PLCH1: variants seen among roughly 807,000 people sequenced by gnomAD.
PLCH1 encodes the protein 1-phosphatidylinositol 4,5-bisphosphate phosphodiesterase eta-1.
In PLCH1, 60 loss-of-function variants were observed where a neutral mutation model predicts 126.7. The ratio of observed to expected loss-of-function variants is 0.47; its 90% confidence interval spans 0.38 to 0.59. PLCH1 has a LOEUF of 0.59. PLCH1 is among the 20% of genes least tolerant of loss of function. PLCH1 has a pLI of 0.00. For missense variants in PLCH1, 1,723 were observed against 2,040.0 expected (o/e 0.84, Z 2.99); for synonymous variants, 719 against 734.9 (o/e 0.98, Z 0.35).
intron 1 of PLCH1, among the ~76,000 whole-genome samples, chr3:155,741,029 A>G (rs1168843218): frequency 2.0e-5 from 3 of 152,208 alleles, no homozygotes; most frequent in Admixed American, 1.3e-4. Flanking sequence ...TTCTGCATCT[A>G]TCCTGCCCTC....
At chr3:155,733,132 A>G (rs952509896) in intron 1 of PLCH1, among the ~76,000 whole-genome samples, 1 of 152,200 alleles carries the variant, frequency 6.6e-6, no homozygotes, top group Non-Finnish European at 1.5e-5. Flanking sequence ...AAATGTCCAT[A>G]TTACTCAAAG....
intron 1 of PLCH1, among the ~76,000 whole-genome samples, chr3:155,713,303 A>G (rs1747281414): frequency 6.6e-6 from 1 of 152,204 alleles, no homozygotes; most frequent in Non-Finnish European, 1.5e-5. Context: ...TTACTTATTC[A>G]AAAAATGCAT....
At chr3:155,619,965 T>C (rs529868362) in intron 2 of PLCH1, among the ~76,000 whole-genome samples, 39 of 152,338 alleles carry the variant, frequency 2.6e-4, no homozygotes, top group African/African-American at 7.5e-4. Flanking sequence ...CAAACCTTTG[T>C]CCTAATATCA....
chr3:155,506,581 C>G (rs1372879963), intron 12 of PLCH1, among the ~76,000 whole-genome samples: 4 of 136,222 alleles, frequency 2.9e-5, no homozygotes, highest in Non-Finnish European at 4.7e-5. Context: ...CAATTCCCAC[C>G]TATGAGTGAG....
intron 2 of PLCH1, among the ~76,000 whole-genome samples, chr3:155,646,954 G>A (rs1740133793): frequency 2.0e-5 from 3 of 152,194 alleles, no homozygotes; most frequent in Admixed American, 2.0e-4. Context: ...TTCACTGGGA[G>A]ATGAAGTCCA....
intron 21 of PLCH1, among the ~76,000 whole-genome samples, chr3:155,467,826 A>C (rs1424218424): frequency 6.6e-6 from 1 of 152,236 alleles, no homozygotes; most frequent in Non-Finnish European, 1.5e-5. Context: ...CCTCAATACC[A>C]GACTTGTCCT....
intron 12 of PLCH1, among the ~76,000 whole-genome samples, chr3:155,511,381 T>C (rs1719463112): frequency 8.1e-6 from 1 of 123,060 alleles, no homozygotes; most frequent in Non-Finnish European, 1.6e-5. Flanking sequence ...CATCCAGCTT[T>C]GTTCCGTTGC....
chr3:155,736,838 T>G (rs1749214373), intron 1 of PLCH1, among the ~76,000 whole-genome samples: 1 of 152,214 alleles, frequency 6.6e-6, no homozygotes, highest in South Asian at 2.1e-4. Context: ...TTTATTCATT[T>G]ATTATTGAAA....
At chr3:155,557,907 C>T (rs1190897315) in intron 8 of PLCH1, among the ~76,000 whole-genome samples, 1 of 152,178 alleles carries the variant, frequency 6.6e-6, no homozygotes, top group African/African-American at 2.4e-5. Flanking sequence ...AGCAATGCAA[C>T]ATCAGTCCCA....
chr3:155,453,630 A>C (rs1484396436), intron 21 of PLCH1, among the ~76,000 whole-genome samples: 1 of 152,062 alleles, frequency 6.6e-6, no homozygotes, highest in Non-Finnish European at 1.5e-5. Flanking sequence ...TGATTAATGA[A>C]GAGAATGGGA....
At chr3:155,564,142 C>G (rs1313129674) in intron 8 of PLCH1, among the ~76,000 whole-genome samples, 1 of 152,094 alleles carries the variant, frequency 6.6e-6, no homozygotes, top group Admixed American at 6.5e-5. Flanking sequence ...AATGTTCATC[C>G]CTTCTACTAG....
At chr3:155,707,133 G>A (rs1023721855) in intron 1 of PLCH1, among the ~76,000 whole-genome samples, 1 of 152,082 alleles carries the variant, frequency 6.6e-6, no homozygotes, top group Non-Finnish European at 1.5e-5. Context: ...CCAGGAAAGG[G>A]CCCTCACAAG....
intron 8 of PLCH1, among the ~76,000 whole-genome samples, chr3:155,554,665 T>C (rs759633790): frequency 1.7e-4 from 26 of 152,352 alleles, no homozygotes; most frequent in Middle Eastern, 3.4e-3. Context: ...TTTCATTAGA[T>C]TGATTTTCAT....
chr3:155,622,039 GC>G (rs1006089819), intron 2 of PLCH1, among the ~76,000 whole-genome samples: 17 of 152,198 alleles, frequency 1.1e-4, no homozygotes, highest in Admixed American at 7.2e-4. Flanking sequence ...ACAAAGGGAA[GC>G]CCATCAGACT....
At chr3:155,645,417 T>C (rs1019282708) in intron 2 of PLCH1, among the ~76,000 whole-genome samples, 17 of 152,180 alleles carry the variant, frequency 1.1e-4, no homozygotes, top group African/African-American at 3.9e-4. Flanking sequence ...GTTTTACTCC[T>C]AGTATAAGAC....
intron 21 of PLCH1, among the ~76,000 whole-genome samples, chr3:155,456,529 T>C (rs1371447079): frequency 6.6e-6 from 1 of 152,166 alleles, no homozygotes; most frequent in East Asian, 1.9e-4. Context: ...CTTGATCCCA[T>C]GGCGTTAAGC....
intron 10 of PLCH1, among the ~76,000 whole-genome samples, chr3:155,543,278 A>C (rs1296675936): frequency 6.6e-6 from 1 of 152,228 alleles, no homozygotes; most frequent in Non-Finnish European, 1.5e-5. Flanking sequence ...AATTTGAAGA[A>C]AGGGTATCAG....
intron 2 of PLCH1, among the ~76,000 whole-genome samples, chr3:155,664,416 C>T (rs960919261): frequency 4.6e-5 from 7 of 152,230 alleles, no homozygotes; most frequent in Non-Finnish European, 1.0e-4. Flanking sequence ...CTCAGACACT[C>T]ACAGTCTAGT....
chr3:155,585,431 G>T (rs559021494), intron 5 of PLCH1, among the ~76,000 whole-genome samples: 2 of 152,170 alleles, frequency 1.3e-5, no homozygotes, highest in Non-Finnish European at 2.9e-5. Flanking sequence ...GCCTAACATT[G>T]TCTTTGCCCT....
Sources: gnomAD v4.1 joint callset for allele counts (sites outside exome capture counted in the v4.1 genomes callset) on GRCh38, gnomAD v4.1.1 for gene constraint, MANE v1.5 for transcripts, NCBI Gene and HGNC (gene_info 2026-07-23, HGNC 2026-07-21) for gene names.